Variants in FOXP1 observed in about 807,000 individuals in gnomAD.
The protein encoded by FOXP1 is forkhead box protein P1.
Under a neutral mutation model 98.2 loss-of-function variants are expected in FOXP1, and 15 were observed. That is an observed-to-expected ratio of 0.15 (90% CI 0.10 to 0.24). FOXP1 has a LOEUF of 0.24. Ranked by LOEUF, FOXP1 falls within the 10% of genes least tolerant of loss-of-function variation. The pLI is 1.00. For missense variants in FOXP1, 633 were observed against 848.5 expected (o/e 0.75, Z 3.15); for synonymous variants, 371 against 314.5 (o/e 1.18, Z -1.90).
chr3:71,382,418 GC>G (rs2080253289), intron 3 of FOXP1, among the ~76,000 whole-genome samples: 1 of 152,292 alleles, frequency 6.6e-6, no homozygotes, highest in African/African-American at 2.4e-5. Flanking sequence ...GAAGTTGATT[GC>G]ACCCCAGCTC....
chr3:71,532,106 T>A (rs1160213370), intron 2 of FOXP1, among the ~76,000 whole-genome samples: 1 of 152,028 alleles, frequency 6.6e-6, no homozygotes, highest in African/African-American at 2.4e-5. Context: ...AGAAAAAAAA[T>A]TCTTTTGTTT....
At chr3:71,431,976 T>C (rs11919503) in intron 3 of FOXP1, among the ~76,000 whole-genome samples, 114,615 of 152,142 alleles carry the variant, frequency 0.75, 45,006 homozygotes, top group Non-Finnish European at 0.81. Flanking sequence ...CTGTGTTGCA[T>C]CTGAACCATC....
intron 12 of FOXP1, among the ~76,000 whole-genome samples, chr3:71,005,334 A>C (rs1289224795): frequency 2.0e-5 from 3 of 148,568 alleles, no homozygotes; most frequent in African/African-American, 7.5e-5. Flanking sequence ...AAAAAAAAAA[A>C]AAAAAAACCA....
intron 5 of FOXP1, among the ~76,000 whole-genome samples, chr3:71,259,457 T>C (rs2068911808): frequency 6.6e-6 from 1 of 152,204 alleles, no homozygotes; most frequent in Non-Finnish European, 1.5e-5. Context: ...CTCCTATCAT[T>C]CCTATTATTT....
chr3:71,207,131 T>C (rs745601962), intron 5 of FOXP1, among the ~76,000 whole-genome samples: 7 of 152,208 alleles, frequency 4.6e-5, no homozygotes, highest in Non-Finnish European at 7.3e-5. Context: ...CAAAATAGAT[T>C]TTAAGTTTGA....
chr3:71,044,718 G>GC (rs555695409), intron 10 of FOXP1, among the ~76,000 whole-genome samples: 354 of 152,166 alleles, frequency 2.3e-3, no homozygotes, highest in Admixed American at 5.6e-3. Context: ...AGGACAACTG[G>GC]CCCCTTCATT....
intron 3 of FOXP1, among the ~76,000 whole-genome samples, chr3:71,455,332 T>C (rs1560510097): frequency 6.6e-6 from 1 of 152,076 alleles, no homozygotes; most frequent in African/African-American, 2.4e-5. Context: ...GAAAGCACCC[T>C]CCTTAAATCT....
At chr3:71,441,260 G>A (rs543716866) in intron 3 of FOXP1, among the ~76,000 whole-genome samples, 207 of 152,302 alleles carry the variant, frequency 1.4e-3, no homozygotes, top group African/African-American at 4.7e-3. Flanking sequence ...TAACCCCTAC[G>A]GGACATACAT....
intron 2 of FOXP1, among the ~76,000 whole-genome samples, chr3:71,553,981 TA>T (rs2045949682): frequency 6.6e-6 from 1 of 152,226 alleles, no homozygotes; most frequent in South Asian, 2.1e-4. Context: ...CACTTCCAAG[TA>T]TGGTACATAT....
chr3:71,063,425 C>T (rs1487013269), intron 7 of FOXP1, among the ~76,000 whole-genome samples: 1 of 152,246 alleles, frequency 6.6e-6, no homozygotes, highest in Non-Finnish European at 1.5e-5. Context: ...TGTTCCAGCT[C>T]TTTGGCAGTG....
At chr3:71,318,995 G>A (rs2075243377) in intron 4 of FOXP1, among the ~76,000 whole-genome samples, 1 of 152,180 alleles carries the variant, frequency 6.6e-6, no homozygotes, top group South Asian at 2.1e-4. Context: ...AAACAGAATA[G>A]AATTACAGGG....
chr3:71,247,682 T>G (rs1250752921), intron 5 of FOXP1, among the ~76,000 whole-genome samples: 1 of 152,172 alleles, frequency 6.6e-6, no homozygotes, highest in East Asian at 1.9e-4. Flanking sequence ...ATGCTCCCCT[T>G]TCTCTGATGA....
intron 4 of FOXP1, among the ~76,000 whole-genome samples, chr3:71,337,032 A>C (rs975477701): frequency 1.3e-5 from 2 of 152,244 alleles, no homozygotes; most frequent in African/African-American, 4.8e-5. Flanking sequence ...AACTTAAAAG[A>C]CATATCAAAC....
intron 6 of FOXP1, among the ~76,000 whole-genome samples, chr3:71,114,578 T>C (rs2058212189): frequency 6.6e-6 from 1 of 152,124 alleles, no homozygotes; most frequent in Non-Finnish European, 1.5e-5. Flanking sequence ...CATGGGAAAG[T>C]GGAACCCTGC....
chr3:71,581,253 G>A lies in FOXP1; in HGVS notation c.-298+296C>T, dbSNP rs892805557. On this transcript the variant is annotated intron_variant, in intron 2 of 20. Coordinates refer to ENST00000649528, the MANE Select transcript of FOXP1 (RefSeq NM_001349338.3). Reference sequence around the variant, plus strand: ...ATTAATAGTTATAAGAGGGGAGTGGGGTGAGAAGGGGGGCGAGGATGTCAC... The same window carrying A: ...ATTAATAGTTATAAGAGGGGAGTGGAGTGAGAAGGGGGGCGAGGATGTCAC... 8.5e-5 allele frequency: 84 copies of A among 985,340 alleles called. No individual in the cohort carries two copies. In the African/African-American group the frequency reaches 1.4e-3, roughly 17 times the overall value. The allele number at this position is 985,340 out of a possible 1,614,324, so 61.0% of individuals were successfully genotyped here. A position where few individuals can be genotyped will look rare whatever the true frequency, so the allele number is the denominator to read the frequency against.
intron 2 of FOXP1, among the ~76,000 whole-genome samples, chr3:71,534,499 T>G (rs988181143): frequency 6.6e-6 from 1 of 152,220 alleles, no homozygotes; most frequent in African/African-American, 2.4e-5. Flanking sequence ...AAAGGTCAAC[T>G]CCACTTCTCA....
intron 5 of FOXP1, among the ~76,000 whole-genome samples, chr3:71,222,756 C>T (rs987706556): frequency 7.9e-5 from 12 of 152,290 alleles, no homozygotes; most frequent in Admixed American, 4.6e-4. Flanking sequence ...GTCCCCTTGC[C>T]CTCCACATAT....
chr3:71,015,566 A>G lies in FOXP1; in HGVS notation c.957T>C (p.Asp319=), dbSNP rs771886675. The part of the protein sequence containing the change: ...KWPGCEAVCE[D]FQSFLKHLNS... ...ATTCTTACTTTAGAAATGATTGGAA[A>G]TCTTCGCACACTGCTTCACAGCCTG... The change falls in exon 12 of 21, where the codon GAT becomes GAC. Residue 319 remains aspartate (D), a synonymous_variant. Coordinates refer to ENST00000649528, the MANE Select transcript of FOXP1 (RefSeq NM_001349338.3). The G allele has an allele frequency of 1.2e-6, 2 of 1,611,056 alleles. No homozygotes were observed. Among genetic ancestry groups the G allele is most frequent in the East Asian group, 4.5e-5 (2 of 44,824 alleles).
At chr3:71,514,544 G>A (rs1247467173) in intron 2 of FOXP1, among the ~76,000 whole-genome samples, 1 of 152,230 alleles carries the variant, frequency 6.6e-6, no homozygotes, top group African/African-American at 2.4e-5. Flanking sequence ...ACAGTGTCAT[G>A]TACAAAACAG....
Sources: allele counts gnomAD v4.1 joint callset (sites outside exome capture counted in the v4.1 genomes callset), GRCh38; gene constraint gnomAD v4.1.1; transcripts MANE v1.5; gene names NCBI Gene and HGNC (gene_info 2026-07-23, HGNC 2026-07-21).